NCR1: variants seen among roughly 807,000 people sequenced by gnomAD.
NCR1 encodes NK cell-activating receptor.
A neutral mutation model predicts 32.5 loss-of-function variants in NCR1; 30 were observed. The ratio of observed to expected loss-of-function variants is 0.92; its 90% CI spans 0.69 to 1.25. NCR1 has a LOEUF of 1.25. Among genes scored for constraint, NCR1 ranks in the 50% most tolerant of loss-of-function variants. The probability of loss-of-function intolerance (pLI) is 0.00; values close to 1 mark genes in which losing one functional copy is unlikely to be tolerated. For missense variants in NCR1, 369 were observed against 380.7 expected (o/e 0.97, Z 0.26); for synonymous variants, 169 against 143.4 (o/e 1.18, Z -1.28).
the NCR1 span, among the ~76,000 whole-genome samples, chr19:54,928,998 G>A: frequency 5.3e-5 from 8 of 152,044 alleles, no homozygotes; most frequent in Non-Finnish European, 8.8e-5. Flanking sequence ...CGTTTGCATT[G>A]AGCTTTTGAG....
At chr19:54,927,414 T>C in the NCR1 span, among the ~76,000 whole-genome samples, 1 of 148,880 alleles carries the variant, frequency 6.7e-6, no homozygotes, top group Non-Finnish European at 1.5e-5. Flanking sequence ...AAAAATTAGC[T>C]GGACATGTTG....
In NCR1 at chr19:54,909,350, T is replaced by C. The variant is rs1337524459; in HGVS notation, c.461T>C (p.Leu154Ser). 7 of 1,613,972 alleles carry C rather than the reference T, an allele frequency of 4.3e-6. No individual in the cohort carries two copies. The highest frequency in any genetic ancestry group is 4.2e-6 in the Non-Finnish European group (5 of 1,180,022). ...CRLDTATSMFLLLKEGRSSHV... is the reference protein window; with the variant it reads ...CRLDTATSMFSLLKEGRSSHV... Reference sequence around the variant, plus strand: ...CTAGACACTGCAACAAGCATGTTCTTACTGCTCAAGGAGGGAAGATCCAGC... The same window carrying C: ...CTAGACACTGCAACAAGCATGTTCTCACTGCTCAAGGAGGGAAGATCCAGC... The change falls in exon 4 of 7, where the codon TTA (leucine) becomes TCA (serine). Residue 154 changes from leucine (L) to serine (S), a missense_variant. By Grantham distance (145) the Leu-to-Ser change is moderately radical. Transcript: ENST00000291890.
upstream of NCR1, among the ~76,000 whole-genome samples, chr19:54,903,014 C>T (rs2067327868): frequency 6.6e-6 from 1 of 152,000 alleles, no homozygotes; most frequent in Non-Finnish European, 1.5e-5. Context: ...CCTGTAATCC[C>T]AGCTACTTGG....
chr19:54,928,460 G>A, the NCR1 span, among the ~76,000 whole-genome samples: 1 of 152,100 alleles, frequency 6.6e-6, no homozygotes, highest in Non-Finnish European at 1.5e-5. Context: ...AAAGGCAGAG[G>A]GGAGTGAGCA....
At chr19:54,933,589 A>G in the NCR1 span, 1 of 1,614,204 alleles carries the variant, frequency 6.2e-7, no homozygotes, top group South Asian at 1.1e-5. Context: ...GCAGTTTACA[A>G]TCAGGGTAAC....
rs2146036337 is a variant in NCR1 at position 54,906,759 on chromosome 19, G to T, written c.307G>T (p.Gly103Trp). 6.2e-7 allele frequency: 1 copy of T among 1,614,190 alleles called. No individual in the cohort carries two copies. The highest frequency in any genetic ancestry group is 1.3e-5 in the African/African-American group (1 of 75,056). ...AGQYSCIYRV[G>W]ELWSEPSNLL... ...GCAATACAGCTGCATCTATCGGGTT[G>T]GGGAGCTCTGGTCAGAGCCCAGCAA... The change falls in exon 3 of 7, where the codon GGG becomes TGG. Residue 103 changes from glycine to tryptophan, a missense_variant. Gly to Trp is a radical substitution (Grantham distance 184). Transcript: ENST00000291890.
intron 5 of NCR1, 72 bp from the exon 6 acceptor site, chr19:54,912,096 G>A: frequency 7.7e-7 from 1 of 1,306,722 alleles, no homozygotes; most frequent in South Asian, 1.2e-5. Flanking sequence ...TCATGGGGTA[G>A]ACCCAAGGGA....
At position 54,909,352 on chromosome 19, in the gene NCR1, C is replaced by T. The variant is rs1312811299; in HGVS notation, c.463C>T (p.Leu155=). The change falls in exon 4 of 7, where the codon CTG becomes TTG. Residue 155 remains leucine (L), a synonymous_variant. Coordinates refer to ENST00000291890, the MANE Select transcript of NCR1 (RefSeq NM_004829.7). ...AGACACTGCAACAAGCATGTTCTTA[C>T]TGCTCAAGGAGGGAAGATCCAGCCA... The part of the protein sequence containing the change: ...RLDTATSMFL[L]LKEGRSSHVQ... 1 of 1,614,110 alleles carries T rather than the reference C, an allele frequency of 6.2e-7. No individual in the cohort carries two copies. Among genetic ancestry groups the T allele is most frequent in the Non-Finnish European group, 8.5e-7 (1 of 1,180,030 alleles).
At chr19:54,925,699 G>T in the NCR1 span, among the ~76,000 whole-genome samples, 1 of 151,972 alleles carries the variant, frequency 6.6e-6, no homozygotes, top group East Asian at 1.9e-4. Context: ...GGTAGATTAC[G>T]TTAAAATAAG....
the NCR1 span, chr19:54,933,585 T>C: frequency 6.2e-7 from 1 of 1,614,198 alleles, no homozygotes. Flanking sequence ...GTCTGCAGTT[T>C]ACAATCAGGG....
At chr19:54,916,346 A>T (rs1409685084), downstream of NCR1, among the ~76,000 whole-genome samples, 1 of 91,788 alleles carries the variant, frequency 1.1e-5, no homozygotes. Context: ...TTTGAGACGA[A>T]GTCCTGCTCT....
chr19:54,929,794 C>T, the NCR1 span, among the ~76,000 whole-genome samples: 8 of 152,000 alleles, frequency 5.3e-5, no homozygotes, highest in Non-Finnish European at 1.0e-4. Context: ...AAACTGGATC[C>T]GAAGTGATAC....
rs1463625095 is a variant in NCR1 at position 54,913,034 on chromosome 19, G to C, written c.*163G>C. The C allele has an allele frequency of 3.4e-6, 2 of 592,232 alleles. No homozygotes were observed. Among genetic ancestry groups the C allele is most frequent in the Non-Finnish European group, 5.6e-6 (2 of 358,592 alleles). The allele number at this position is 592,232 out of a possible 1,614,324, so 36.7% of individuals were successfully genotyped here. A position where few individuals can be genotyped will look rare whatever the true frequency, so the allele number is the denominator to read the frequency against. On this transcript the variant is annotated 3_prime_UTR_variant, in exon 7 of 7. Coordinates refer to ENST00000291890, the MANE Select transcript of NCR1 (RefSeq NM_004829.7). The stretch of plus-strand genomic sequence containing the variant: ...AGCATCCCGGACGATGCAGAGGGTG[G>C]GAGAACTACATGCTAAATTTCTTTT...
At chr19:54,902,718 G>A (rs796930649), upstream of NCR1, among the ~76,000 whole-genome samples, 26 of 152,272 alleles carry the variant, frequency 1.7e-4, no homozygotes, top group African/African-American at 6.3e-4. Flanking sequence ...GCCTACATAA[G>A]TCTCCTCCAT....
At chr19:54,914,449 C>A (rs543471275), downstream of NCR1, among the ~76,000 whole-genome samples, 10 of 152,182 alleles carry the variant, frequency 6.6e-5, no homozygotes, top group Non-Finnish European at 7.4e-5. Context: ...AATGATTCTC[C>A]TGCCTCAGCC....
chr19:54,905,898 G>A (rs2067573726), upstream of NCR1, among the ~76,000 whole-genome samples: 1 of 152,164 alleles, frequency 6.6e-6, no homozygotes, highest in Admixed American at 6.6e-5. Context: ...CTCTGGGTAC[G>A]ACCTCCACAT....
upstream of NCR1, among the ~76,000 whole-genome samples, chr19:54,903,406 G>T (rs73619948): frequency 9.5e-3 from 1,274 of 133,870 alleles, 67 homozygotes; most frequent in African/African-American, 0.035. Context: ...GTATATGTAT[G>T]TATACACGCA....
At chr19:54,903,439 C>CATGT (rs1192151913), upstream of NCR1, among the ~76,000 whole-genome samples, 33 of 115,524 alleles carry the variant, frequency 2.9e-4, no homozygotes, top group African/African-American at 9.4e-4. Context: ...TACACGCATA[C>CATGT]ATGTATGTAT....
chr19:54,930,659 G>C, the NCR1 span: 1 of 1,613,102 alleles, frequency 6.2e-7, no homozygotes, highest in Middle Eastern at 1.7e-4. Flanking sequence ...ATGCTGCATT[G>C]CTGTAACCTA....
Sources: allele counts gnomAD v4.1 joint callset (sites outside exome capture counted in the v4.1 genomes callset), GRCh38; gene constraint gnomAD v4.1.1; transcripts MANE v1.5; gene names NCBI Gene and HGNC (gene_info 2026-07-23, HGNC 2026-07-21).